Variants in TANGO2 observed in about 807,000 individuals in gnomAD.
The protein encoded by TANGO2 is transport and Golgi organization protein 2 homolog.
A neutral mutation model predicts 39.1 loss-of-function variants in TANGO2; 26 were observed. The ratio of observed to expected loss-of-function variants is 0.67; its 90% CI spans 0.49 to 0.92. TANGO2 has a LOEUF of 0.92. Among genes scored for constraint, TANGO2 ranks in the 40% least tolerant of loss-of-function variants. TANGO2 has a pLI of 0.00. For missense variants in TANGO2, 326 were observed against 360.1 expected (o/e 0.91, Z 0.77); for synonymous variants, 131 against 144.5 (o/e 0.91, Z 0.67).
At chr22:20,051,158 G>A (rs575724093) in intron 3 of TANGO2, among the ~76,000 whole-genome samples, 3 of 151,892 alleles carry the variant, frequency 2.0e-5, no homozygotes, top group South Asian at 2.1e-4. Flanking sequence ...ACCGCACGGG[G>A]CCACAAATAC....
chr22:20,036,224 GA>G (rs2042826573), intron 1 of TANGO2, among the ~76,000 whole-genome samples: 2 of 152,168 alleles, frequency 1.3e-5, no homozygotes, highest in Admixed American at 6.5e-5. Flanking sequence ...GGAAAATTGT[GA>G]CCCCACAGTA....
intron 3 of TANGO2, chr22:20,047,920 A>C (rs2045545806): frequency 6.7e-6 from 1 of 149,342 alleles, no homozygotes; most frequent in Non-Finnish European, 1.5e-5. Context: ...GAGATCTGAT[A>C]GTGTTTTGTT....
At chr22:20,038,882 AC>A (rs2043347905) in intron 2 of TANGO2, among the ~76,000 whole-genome samples, 1 of 150,892 alleles carries the variant, frequency 6.6e-6, no homozygotes, top group Admixed American at 6.6e-5. Flanking sequence ...TGGACTCCTC[AC>A]CTGTGGACTG....
At chr22:20,029,947 G>A (rs1480508803) in intron 1 of TANGO2, among the ~76,000 whole-genome samples, 1 of 152,066 alleles carries the variant, frequency 6.6e-6, no homozygotes, top group Non-Finnish European at 1.5e-5. Context: ...AGAGGAGCTG[G>A]ACTTTCTCAG....
chr22:20,056,163 C>T (rs1314879292), intron 6 of TANGO2, 150 bp downstream of exon 6: 5 of 728,598 alleles, frequency 6.9e-6, no homozygotes, highest in Admixed American at 2.0e-5. Context: ...GGGCACCTTG[C>T]CCTGCACCTG....
Position 20,053,463 on chromosome 22 carries a change from A to G in TANGO2, c.292A>G (p.Thr98Ala). The change falls in exon 5 of 9, where the codon ACT (threonine) becomes GCT (alanine). Residue 98 changes from threonine (T) to alanine (A), a missense_variant. Coordinates refer to ENST00000327374, the MANE Select transcript of TANGO2 (RefSeq NM_152906.7). Reference protein sequence around the residue: ...RGELVTHFLTTDVDSLSYLKK... With the variant: ...RGELVTHFLTADVDSLSYLKK... ...TGAACTTGTCACCCACTTTCTGACC[A>G]CTGACGTGGACAGCTTGTCCTACCT... The G allele has an allele frequency of 2.5e-6, 4 of 1,613,654 alleles. No individual in the cohort carries two copies. Among genetic ancestry groups the G allele is most frequent in the Non-Finnish European group, 3.4e-6 (4 of 1,179,572 alleles).
chr22:20,018,774 AG>A (rs1945383042), upstream of TANGO2, among the ~76,000 whole-genome samples: 1 of 152,194 alleles, frequency 6.6e-6, no homozygotes, highest in Non-Finnish European at 1.5e-5. Flanking sequence ...GGCTGCAGCC[AG>A]GGGTCAGAAA....
At chr22:20,043,316 T>C in intron 2 of TANGO2, 39 bp from the exon 3 acceptor site, 1 of 1,482,562 alleles carries the variant, frequency 6.7e-7, no homozygotes, top group South Asian at 1.1e-5. Flanking sequence ...GGCTCGCTCG[T>C]TTCCATCTGA....
intron 3 of TANGO2, among the ~76,000 whole-genome samples, chr22:20,048,790 G>T (rs1409136592): frequency 6.6e-6 from 1 of 151,976 alleles, no homozygotes; most frequent in Non-Finnish European, 1.5e-5. Context: ...GGGACTACAA[G>T]CATGCACCAC....
At chr22:20,061,374 C>A in intron 6 of TANGO2, 156 bp from the exon 7 acceptor site, 1 of 818,068 alleles carries the variant, frequency 1.2e-6, no homozygotes, top group Non-Finnish European at 1.8e-6. Flanking sequence ...CAGGAATGAG[C>A]ATGGGGAAGG....
chr22:20,051,767 T>C (rs559530864), intron 3 of TANGO2, among the ~76,000 whole-genome samples: 6 of 152,216 alleles, frequency 3.9e-5, no homozygotes, highest in African/African-American at 1.4e-4. Context: ...GGAGGATCGC[T>C]TGAGCCTGGG....
intron 3 of TANGO2, 59 bp downstream of exon 3, chr22:20,043,502 T>C: frequency 6.5e-6 from 8 of 1,229,230 alleles, no homozygotes; most frequent in Non-Finnish European, 9.5e-6. Flanking sequence ...AGCCCCTGCG[T>C]GGCCCGAGTG....
chr22:20,042,798 G>T (rs964467760), intron 2 of TANGO2, among the ~76,000 whole-genome samples: 1 of 152,078 alleles, frequency 6.6e-6, no homozygotes, highest in African/African-American at 2.4e-5. Flanking sequence ...GGAAATATTT[G>T]TTTGATTCAT....
intron 2 of TANGO2, among the ~76,000 whole-genome samples, chr22:20,039,628 T>TA (rs1294545111): frequency 6.6e-6 from 1 of 150,664 alleles, no homozygotes; most frequent in East Asian, 2.0e-4. Context: ...GACTCCATCT[T>TA]AAAAAAAAGA....
intron 3 of TANGO2, chr22:20,047,923 G>GTTTTTTTTTTTTTTT (rs201871525): frequency 6.7e-6 from 1 of 148,756 alleles, no homozygotes. Context: ...ATCTGATAGT[G>GTTTTTTTTTTTTTTT]TTTTGTTTTT....
chr22:20,036,126 T>A (rs930218240), intron 1 of TANGO2, among the ~76,000 whole-genome samples: 3 of 152,122 alleles, frequency 2.0e-5, no homozygotes, highest in African/African-American at 7.2e-5. Flanking sequence ...AGGACTGCAA[T>A]GCATTGTGGG....
chr22:20,046,334 G>A (rs1412141618), intron 3 of TANGO2, among the ~76,000 whole-genome samples: 1 of 151,750 alleles, frequency 6.6e-6, no homozygotes, highest in Non-Finnish European at 1.5e-5. Context: ...AATTTGTAGC[G>A]ACAAAGCCTT....
chr22:20,036,670 T>A, intron 1 of TANGO2, 90 bp from the exon 2 acceptor site: 1 of 1,076,136 alleles, frequency 9.3e-7, no homozygotes, highest in Non-Finnish European at 1.4e-6. Context: ...ACCACAGAGG[T>A]GGTTCTCTCT....
intron 4 of TANGO2, 75 bp from the exon 5 acceptor site, chr22:20,053,353 TCCCCAGGGG>T (rs779124015): frequency 1.1e-6 from 1 of 916,286 alleles, no homozygotes; most frequent in South Asian, 1.4e-5. Context: ...TCCTGCATCC[TCCCCAGGGG>T]GCCCCATATC....
Sources: allele counts gnomAD v4.1 joint callset (sites outside exome capture counted in the v4.1 genomes callset), GRCh38; gene constraint gnomAD v4.1.1; transcripts MANE v1.5; gene names NCBI Gene and HGNC (gene_info 2026-07-23, HGNC 2026-07-21).